The following MARCHF1 variants were observed in gnomAD, a reference collection of about 807,000 sequenced individuals.
The protein encoded by MARCHF1 is membrane associated ring-CH-type finger 1.
Under a neutral mutation model 54.2 loss-of-function variants are expected in MARCHF1, and 40 were observed. That is an observed-to-expected ratio of 0.74 (90% confidence interval 0.57 to 0.96). The LOEUF is 0.96. Among genes scored for constraint, MARCHF1 ranks in the 40% least tolerant of loss-of-function variants. MARCHF1 has a pLI of 0.00. For synonymous variants in MARCHF1, 236 were observed against 236.3 expected (o/e 1.00, Z 0.01); for missense variants, 586 against 656.5 (o/e 0.89, Z 1.17).
At chr4:164,220,571 A>G (rs974108619) in intron 1 of MARCHF1, among the ~76,000 whole-genome samples, 8 of 145,392 alleles carry the variant, frequency 5.5e-5, no homozygotes, top group South Asian at 2.1e-4. Flanking sequence ...ATATCTATAT[A>G]TGTAATACAT....
chr4:163,944,649 T>C (rs1751989256), intron 3 of MARCHF1, among the ~76,000 whole-genome samples: 1 of 152,168 alleles, frequency 6.6e-6, no homozygotes, highest in Admixed American at 6.5e-5. Context: ...AAAGCCCCAA[T>C]TCATCTTAAC....
At chr4:163,987,795 A>G (rs1231797917) in intron 3 of MARCHF1, among the ~76,000 whole-genome samples, 1 of 152,238 alleles carries the variant, frequency 6.6e-6, no homozygotes, top group Non-Finnish European at 1.5e-5. Context: ...AACCTTTGAA[A>G]TAAGTTTCCA....
intron 5 of MARCHF1, among the ~76,000 whole-genome samples, chr4:163,634,641 A>G (rs1742244060): frequency 6.6e-6 from 1 of 152,160 alleles, no homozygotes; most frequent in Admixed American, 6.5e-5. Context: ...CCTACACATT[A>G]ATAATGGGAG....
intron 7 of MARCHF1, among the ~76,000 whole-genome samples, chr4:163,600,978 A>T (rs751973834): frequency 4.6e-5 from 7 of 152,226 alleles, no homozygotes; most frequent in Admixed American, 1.3e-4. Flanking sequence ...ATCTGACAGA[A>T]GTGGGAAGGA....
chr4:164,108,866 A>G (rs1000204925), intron 2 of MARCHF1, among the ~76,000 whole-genome samples: 1 of 152,096 alleles, frequency 6.6e-6, no homozygotes, highest in Admixed American at 6.6e-5. Flanking sequence ...GAGAATGGCA[A>G]TAGTGGGCAG....
chr4:164,302,031 A>T (rs1295634218), intron 1 of MARCHF1, among the ~76,000 whole-genome samples: 2 of 152,294 alleles, frequency 1.3e-5, no homozygotes, highest in African/African-American at 4.8e-5. Context: ...TCAGTCTCTG[A>T]ATTAGGAGAC....
chr4:163,776,982 G>C (rs1403144454), intron 4 of MARCHF1, among the ~76,000 whole-genome samples: 1 of 152,038 alleles, frequency 6.6e-6, no homozygotes, highest in Non-Finnish European at 1.5e-5. Context: ...ATTCTAACCT[G>C]TTTTGCTTTT....
intron 3 of MARCHF1, among the ~76,000 whole-genome samples, chr4:163,893,841 C>T (rs780119740): frequency 3.9e-5 from 6 of 152,030 alleles, no homozygotes; most frequent in Non-Finnish European, 8.8e-5. Flanking sequence ...AAGAGTAAGC[C>T]ACAGAGCCAC....
chr4:163,880,223 C>T (rs1435272637), intron 3 of MARCHF1, among the ~76,000 whole-genome samples: 2 of 151,448 alleles, frequency 1.3e-5, no homozygotes, highest in African/African-American at 4.8e-5. Context: ...CTGATCAATA[C>T]ATTAGCAACC....
intron 4 of MARCHF1, among the ~76,000 whole-genome samples, chr4:163,827,816 T>A (rs1054542112): frequency 6.6e-6 from 1 of 152,102 alleles, no homozygotes; most frequent in African/African-American, 2.4e-5. Context: ...CAATTTGACA[T>A]GCTGCCAATG....
At chr4:164,174,227 C>T (rs1730604344) in intron 1 of MARCHF1, among the ~76,000 whole-genome samples, 1 of 152,154 alleles carries the variant, frequency 6.6e-6, no homozygotes, top group African/African-American at 2.4e-5. Context: ...AAATCACCTG[C>T]ATCAAAACTG....
intron 1 of MARCHF1, chr4:164,130,077 A>G (rs1025659765): frequency 1.4e-4 from 22 of 152,176 alleles, no homozygotes; most frequent in Admixed American, 3.9e-4. Flanking sequence ...CAATAAAATA[A>G]AATGGTTTGA....
chr4:164,018,778 G>A (rs1753600647), intron 2 of MARCHF1, among the ~76,000 whole-genome samples: 1 of 152,084 alleles, frequency 6.6e-6, no homozygotes, highest in Non-Finnish European at 1.5e-5. Context: ...TCATAATAAT[G>A]CAATGGACTC....
intron 2 of MARCHF1, among the ~76,000 whole-genome samples, chr4:163,999,824 T>C (rs1753151789): frequency 6.6e-6 from 1 of 151,714 alleles, no homozygotes; most frequent in South Asian, 2.1e-4. Context: ...TAGGCATGAT[T>C]ATTATCTCCA....
At chr4:164,281,292 T>C (rs1734020082) in intron 1 of MARCHF1, among the ~76,000 whole-genome samples, 1 of 152,126 alleles carries the variant, frequency 6.6e-6, no homozygotes, top group Admixed American at 6.5e-5. Context: ...ACACCTCTCT[T>C]CTAGGGTTGG....
At chr4:164,313,362 A>C (rs1006720625) in intron 1 of MARCHF1, among the ~76,000 whole-genome samples, 1 of 151,524 alleles carries the variant, frequency 6.6e-6, no homozygotes, top group Non-Finnish European at 1.5e-5. Flanking sequence ...AAAAAAAAAA[A>C]AAAAAGTGTA....
At chr4:164,192,056 T>C (rs1319771513) in intron 1 of MARCHF1, among the ~76,000 whole-genome samples, 5 of 152,078 alleles carry the variant, frequency 3.3e-5, no homozygotes, top group African/African-American at 9.7e-5. Flanking sequence ...TCAAGAACGA[T>C]TGTACCTCAC....
intron 1 of MARCHF1, among the ~76,000 whole-genome samples, chr4:164,364,994 GA>G (rs1183420112): frequency 6.6e-6 from 1 of 151,864 alleles, no homozygotes; most frequent in Non-Finnish European, 1.5e-5. Context: ...TAGACCATTT[GA>G]AATATTTTTT....
At chr4:164,022,631 C>T (rs2110971586) in intron 2 of MARCHF1, among the ~76,000 whole-genome samples, 1 of 152,342 alleles carries the variant, frequency 6.6e-6, no homozygotes, top group Admixed American at 6.5e-5. Context: ...TGGGCAGAGA[C>T]AGGGCTTCAG....
Sources: gnomAD v4.1 joint callset for allele counts (sites outside exome capture counted in the v4.1 genomes callset) on GRCh38, gnomAD v4.1.1 for gene constraint, MANE v1.5 for transcripts, NCBI Gene and HGNC (gene_info 2026-07-23, HGNC 2026-07-21) for gene names.